ANKS1A: variants seen among roughly 807,000 people sequenced by gnomAD.
The protein encoded by ANKS1A is ankyrin repeat and SAM domain-containing protein 1A.
Under a neutral mutation model 120.3 loss-of-function variants are expected in ANKS1A, and 55 were observed. That is an observed-to-expected ratio of 0.46 (90% CI 0.37 to 0.57). The LOEUF (loss-of-function observed/expected upper bound fraction) is 0.57, where lower values mean the gene tolerates loss of function less well. Among genes scored for constraint, ANKS1A ranks in the 20% least tolerant of loss-of-function variants. ANKS1A has a pLI of 0.00. For synonymous variants in ANKS1A, 590 were observed against 604.7 expected, an observed-to-expected ratio of 0.98 and a Z score of 0.36; for missense variants, 1,123 against 1,480.3, an observed-to-expected ratio of 0.76 and a Z score of 3.96.
chr6:35,078,765 C>A, intron 14 of ANKS1A, 109 bp downstream of exon 14: 1 of 1,022,826 alleles, frequency 9.8e-7, no homozygotes, highest in Non-Finnish European at 1.5e-6. Flanking sequence ...ACACGCACAT[C>A]ATAGCAGGAC....
chr6:34,936,061 C>CA (rs34851777), intron 1 of ANKS1A, among the ~76,000 whole-genome samples: 6,389 of 35,336 alleles, frequency 0.18, 538 homozygotes, highest in East Asian at 0.4. Context: ...GACTCCGTCT[C>CA]AAAAAAAAAA....
intron 1 of ANKS1A, among the ~76,000 whole-genome samples, chr6:34,895,076 A>C (rs1767004306): frequency 6.6e-6 from 1 of 152,188 alleles, no homozygotes; most frequent in Admixed American, 6.5e-5. Context: ...GAAGCATGAA[A>C]AATTTTGAAA....
intron 11 of ANKS1A, among the ~76,000 whole-genome samples, chr6:35,043,438 G>A (rs545589138): frequency 5.6e-4 from 85 of 152,340 alleles, no homozygotes; most frequent in Non-Finnish European, 9.4e-4. Context: ...CTGCAGGGGA[G>A]AGACTTCTAG....
At position 35,060,646 on chromosome 6, in the gene ANKS1A, C is replaced by T. The variant is rs963792439; in HGVS notation, c.2184+393C>T. On this transcript the variant is annotated intron_variant, in intron 13 of 23. Transcript: ENST00000360359. The surrounding 1 kb of genome is among the most constrained non-coding windows in gnomAD (Gnocchi z 4.5). The stretch of plus-strand genomic sequence containing the variant: ...AGGAGCCTTGCCTCCAGCAGAAAGA[C>T]CCCTTCCCTGCCCAGCCAAGGCCCA... Among the ~76,000 whole-genome samples, 7 of 152,208 alleles carry T rather than the reference C, an allele frequency of 4.6e-5. No homozygotes were observed. The highest frequency in any genetic ancestry group is 1.4e-4 in the African/African-American group (6 of 41,464).
In ANKS1A at chr6:35,083,147, C is replaced by T. The variant is rs762014316; in HGVS notation, c.2836-8C>T. The stretch of plus-strand genomic sequence containing the variant: ...TTTCCTAAGCCTGGCCACTGCTCGC[C>T]CCCACAGTATCTGGGCTCCATGCTG... On this transcript the variant is annotated splice_region_variant and splice_polypyrimidine_tract_variant and intron_variant, in intron 18 of 23. Transcript: ENST00000360359. 7 of 1,613,904 alleles carry T rather than the reference C, an allele frequency of 4.3e-6. No homozygotes were observed. The highest frequency in any genetic ancestry group is 5.9e-6 in the Non-Finnish European group (7 of 1,179,856).
At chr6:34,980,240 C>T (rs749688534) in intron 3 of ANKS1A, among the ~76,000 whole-genome samples, 1 of 152,268 alleles carries the variant, frequency 6.6e-6, no homozygotes, top group Non-Finnish European at 1.5e-5. Context: ...CAGCTGCTCT[C>T]CTTGAGTTGT....
chr6:34,932,358 T>C (rs1769027702), intron 1 of ANKS1A, among the ~76,000 whole-genome samples: 1 of 152,166 alleles, frequency 6.6e-6, no homozygotes, highest in Non-Finnish European at 1.5e-5. Context: ...GCTATTTATA[T>C]TTTTAACAGA....
chr6:34,996,350 G>T (rs1002006484), intron 10 of ANKS1A, among the ~76,000 whole-genome samples: 2 of 152,110 alleles, frequency 1.3e-5, no homozygotes, highest in African/African-American at 4.8e-5. Context: ...CATTAGATAT[G>T]TGATTTTCTC....
intron 20 of ANKS1A, 94 bp downstream of exon 20, chr6:35,083,597 C>T (rs957305096): frequency 1.5e-5 from 17 of 1,165,458 alleles, no homozygotes; most frequent in Middle Eastern, 2.2e-4. Flanking sequence ...TGCCCTGTCT[C>T]ATCTCTTATC....
intron 1 of ANKS1A, among the ~76,000 whole-genome samples, chr6:34,893,692 A>G (rs1051717687): frequency 6.6e-6 from 1 of 152,196 alleles, no homozygotes; most frequent in Non-Finnish European, 1.5e-5. Flanking sequence ...GTAGTATGAT[A>G]CGTCTGTGTA....
intron 1 of ANKS1A, among the ~76,000 whole-genome samples, chr6:34,927,152 G>A (rs1768758211): frequency 6.6e-6 from 1 of 152,018 alleles, no homozygotes; most frequent in South Asian, 2.1e-4. Flanking sequence ...ATGGTGTGGT[G>A]CAGAGTATAA....
chr6:34,979,634 G>A (rs1157328041), intron 3 of ANKS1A, among the ~76,000 whole-genome samples: 2 of 151,802 alleles, frequency 1.3e-5, no homozygotes, highest in East Asian at 3.9e-4. Context: ...GACTTTTACA[G>A]TTCTTTAGCC....
At chr6:35,077,939 G>A (rs1210179822) in intron 13 of ANKS1A, among the ~76,000 whole-genome samples, 1 of 152,216 alleles carries the variant, frequency 6.6e-6, no homozygotes, top group African/African-American at 2.4e-5. Context: ...GCTTAGCGCT[G>A]CAGGTGGGCG....
chr6:35,023,524 C>T (rs951354295), intron 11 of ANKS1A: 11 of 340,686 alleles, frequency 3.2e-5, no homozygotes, highest in Admixed American at 7.2e-5. Flanking sequence ...AGAGTCATGG[C>T]GGGACCAGCA....
chr6:34,914,779 C>T (rs551249383), intron 1 of ANKS1A, among the ~76,000 whole-genome samples: 1 of 152,296 alleles, frequency 6.6e-6, no homozygotes, highest in Admixed American at 6.5e-5. Flanking sequence ...AGAGCATTAA[C>T]ATTGTACCAT....
chr6:35,060,508 G>A lies in ANKS1A; in HGVS notation c.2184+255G>A, dbSNP rs1307264854. 6.6e-6 allele frequency among the ~76,000 whole-genome samples: 1 copy of A among 152,212 alleles called. No individual in the cohort carries two copies. Among genetic ancestry groups the A allele is most frequent in the Non-Finnish European group, 1.5e-5 (1 of 68,038 alleles). On this transcript the variant is annotated intron_variant, in intron 13 of 23. Transcript: ENST00000360359. This position sits in a 1 kb window ranked among gnomAD's most constrained non-coding sequence, Gnocchi z 4.5. ...GCAGATCTGCTTCCCAAGAAGGAGGGTCCCTGATTCAGCCCTGTGTCCCCT... is the reference window on the plus strand; with the variant it reads ...GCAGATCTGCTTCCCAAGAAGGAGGATCCCTGATTCAGCCCTGTGTCCCCT...
chr6:34,956,312 G>A (rs1390799589), intron 1 of ANKS1A, among the ~76,000 whole-genome samples: 1 of 150,452 alleles, frequency 6.6e-6, no homozygotes, highest in East Asian at 1.9e-4. Flanking sequence ...GTTTTATTTG[G>A]CTCCTTGTCT....
chr6:34,931,293 C>G, intron 1 of ANKS1A, among the ~76,000 whole-genome samples: 1 of 152,066 alleles, frequency 6.6e-6, no homozygotes, highest in South Asian at 2.1e-4. Context: ...ATTATAGGCA[C>G]TCACCACCAC....
In ANKS1A at chr6:34,982,650, G is replaced by T; in HGVS notation, c.733-102G>T. 1.7e-6 allele frequency: 2 copies of T among 1,192,606 alleles called. No homozygotes were observed. Among genetic ancestry groups the T allele is most frequent in the Non-Finnish European group, 2.5e-6 (2 of 805,000 alleles). The allele number at this position is 1,192,606 out of a possible 1,614,324, so 73.9% of individuals were successfully genotyped here. On this transcript the variant is annotated intron_variant, in intron 4 of 23. Transcript: ENST00000360359. The surrounding 1 kb of genome is among the most constrained non-coding windows in gnomAD (Gnocchi z 4.9). Reference sequence around the variant, plus strand: ...AATGACAGAGGGCTTTGTGTAGTTTGTTTTATTTTGTGTCCCTTCTTGTCT... The same window carrying T: ...AATGACAGAGGGCTTTGTGTAGTTTTTTTTATTTTGTGTCCCTTCTTGTCT...
Sources: allele counts gnomAD v4.1 joint callset (sites outside exome capture counted in the v4.1 genomes callset), GRCh38; gene constraint gnomAD v4.1.1; non-coding constraint Gnocchi (gnomAD v3.1); transcripts MANE v1.5; gene names NCBI Gene and HGNC (gene_info 2026-07-23, HGNC 2026-07-21).